PTPRG: variants seen among roughly 807,000 people sequenced by gnomAD.
The protein encoded by PTPRG is protein tyrosine phosphatase receptor type G.
PTPRG carries 102 observed loss-of-function variants against 165.3 expected under a neutral mutation model. The ratio of observed to expected loss-of-function variants is 0.62; its 90% CI spans 0.53 to 0.73. The LOEUF (loss-of-function observed/expected upper bound fraction) is 0.73, where lower values mean the gene tolerates loss of function less well. PTPRG is among the 30% of genes least tolerant of loss of function. The pLI is 0.00. For missense variants in PTPRG, 1,866 were observed against 1,861.4 expected (o/e 1.00, Z -0.05); for synonymous variants, 675 against 669.5 (o/e 1.01, Z -0.13).
chr3:61,765,892 T>A (rs1288701813), intron 2 of PTPRG, among the ~76,000 whole-genome samples: 1 of 152,180 alleles, frequency 6.6e-6, no homozygotes, highest in Non-Finnish European at 1.5e-5. Flanking sequence ...TTTGTACTCA[T>A]TTGTTCCCAA....
At chr3:62,054,952 G>A (rs1383009738) in intron 4 of PTPRG, among the ~76,000 whole-genome samples, 1 of 152,212 alleles carries the variant, frequency 6.6e-6, no homozygotes, top group African/African-American at 2.4e-5. Flanking sequence ...AAATGGGTCA[G>A]GGGAGCGATT....
rs563541413 is a variant in PTPRG at position 62,296,517 on chromosome 3, T to A, written c.*3210T>A. 6.6e-6 allele frequency: 1 copy of A among 152,130 alleles called. No homozygotes were observed. The highest frequency in any genetic ancestry group is 1.9e-4 in the East Asian group (1 of 5,184). 9.4% of individuals were successfully genotyped at this position (152,130 alleles called of 1,614,324 possible). A position where few individuals can be genotyped will look rare whatever the true frequency, so the allele number is the denominator to read the frequency against. On this transcript the variant is annotated 3_prime_UTR_variant, in exon 30 of 30. Coordinates refer to ENST00000474889, the MANE Select transcript of PTPRG (RefSeq NM_002841.4). ...ACTAAAAAAAAAACCCAACTCATCA[T>A]AATTTAAGAATCAAAATGTAGTTTG...
intron 1 of PTPRG, among the ~76,000 whole-genome samples, chr3:61,647,696 G>T (rs1702240656): frequency 7.0e-6 from 1 of 143,790 alleles, no homozygotes; most frequent in Admixed American, 7.7e-5. Context: ...GGAGGCTGAG[G>T]CAGAAGAATG....
At chr3:62,159,711 A>G (rs1037193521) in intron 7 of PTPRG, among the ~76,000 whole-genome samples, 10 of 152,220 alleles carry the variant, frequency 6.6e-5, no homozygotes, top group Admixed American at 1.3e-4. Context: ...TCAGGGAAAT[A>G]GAAAAGAAAT....
At chr3:62,019,253 T>G (rs1032971531) in intron 4 of PTPRG, among the ~76,000 whole-genome samples, 3 of 152,214 alleles carry the variant, frequency 2.0e-5, no homozygotes, top group Non-Finnish European at 2.9e-5. Flanking sequence ...CCGGATGTAG[T>G]AGCTCACACT....
chr3:62,040,388 T>G (rs1700087979), intron 4 of PTPRG, among the ~76,000 whole-genome samples: 1 of 152,236 alleles, frequency 6.6e-6, no homozygotes, highest in Non-Finnish European at 1.5e-5. Context: ...TGTGTTCCAC[T>G]GAAGCTCTCT....
intron 2 of PTPRG, among the ~76,000 whole-genome samples, chr3:61,988,689 A>G (rs2040819623): frequency 6.6e-6 from 1 of 152,184 alleles, no homozygotes; most frequent in African/African-American, 2.4e-5. Flanking sequence ...AATTCTCAAT[A>G]AAGGATTCAG....
chr3:61,684,234 G>C (rs534411240), intron 1 of PTPRG, among the ~76,000 whole-genome samples: 1 of 152,322 alleles, frequency 6.6e-6, no homozygotes, highest in South Asian at 2.1e-4. Context: ...ATATGCTGGT[G>C]GTGATGGTGG....
chr3:61,908,262 T>C (rs113433179), intron 2 of PTPRG, among the ~76,000 whole-genome samples: 20,627 of 151,028 alleles, frequency 0.14, 1,851 homozygotes, highest in East Asian at 0.49. Context: ...CCTGTCTCTA[T>C]TAAAAATGCA....
At chr3:61,766,907 A>T (rs2034036909) in intron 2 of PTPRG, among the ~76,000 whole-genome samples, 1 of 151,316 alleles carries the variant, frequency 6.6e-6, no homozygotes, top group Admixed American at 6.6e-5. Flanking sequence ...GGCATGAGCC[A>T]TCGCGCCCAG....
Position 62,273,899 on chromosome 3 carries a change from T to G in PTPRG, c.3465+55T>G, listed in dbSNP as rs1477862040. 1 of 1,567,306 alleles carries G rather than the reference T, an allele frequency of 6.4e-7. No homozygotes were observed. On this transcript the variant is annotated intron_variant, in intron 23 of 29. Coordinates refer to ENST00000474889, the MANE Select transcript of PTPRG (RefSeq NM_002841.4). The surrounding 1 kb of genome is among the most constrained non-coding windows in gnomAD (Gnocchi z 4.1). The stretch of plus-strand genomic sequence containing the variant: ...AAAGCAAGAAAATGTTTTAAATGCC[T>G]TGAGTTTGGGGGTTATGTCTTCTTT...
chr3:61,723,266 AT>A (rs989395623), intron 1 of PTPRG, among the ~76,000 whole-genome samples: 4 of 150,558 alleles, frequency 2.7e-5, no homozygotes, highest in African/African-American at 7.3e-5. Flanking sequence ...TGACTTTTCT[AT>A]TTTTTTTTCT....
intron 1 of PTPRG, among the ~76,000 whole-genome samples, chr3:61,705,029 G>A (rs1160703603): frequency 6.6e-6 from 1 of 152,180 alleles, no homozygotes; most frequent in Non-Finnish European, 1.5e-5. Flanking sequence ...GAGAACCCCA[G>A]CCTGCTAGAG....
intron 11 of PTPRG, among the ~76,000 whole-genome samples, 174 bp from the exon 12 acceptor site, chr3:62,202,999 C>G (rs1700130808): frequency 6.6e-6 from 1 of 152,126 alleles, no homozygotes; most frequent in South Asian, 2.1e-4. Context: ...AGTTGATCAC[C>G]CATGGACCAC....
intron 2 of PTPRG, among the ~76,000 whole-genome samples, chr3:61,967,771 A>G (rs192189763): frequency 2.0e-4 from 30 of 152,334 alleles, no homozygotes; most frequent in Middle Eastern, 3.4e-3. Context: ...CTATTGTTGC[A>G]GTAAAACATT....
At chr3:61,842,326 A>G (rs2036661114) in intron 2 of PTPRG, among the ~76,000 whole-genome samples, 1 of 152,200 alleles carries the variant, frequency 6.6e-6, no homozygotes, top group African/African-American at 2.4e-5. Flanking sequence ...ACATACATGC[A>G]CACTACACAC....
intron 4 of PTPRG, among the ~76,000 whole-genome samples, chr3:62,054,757 GTTCC>G (rs1355985042): frequency 6.6e-6 from 1 of 152,166 alleles, no homozygotes; most frequent in Non-Finnish European, 1.5e-5. Context: ...GAACTGCATT[GTTCC>G]TTCATTTATG....
At chr3:61,815,022 C>T (rs759462926) in intron 2 of PTPRG, among the ~76,000 whole-genome samples, 1 of 151,934 alleles carries the variant, frequency 6.6e-6, no homozygotes, top group Non-Finnish European at 1.5e-5. Context: ...AGGGCTGCCT[C>T]AGACTCAGGT....
intron 1 of PTPRG, among the ~76,000 whole-genome samples, chr3:61,568,397 A>C (rs1196511715): frequency 3.3e-5 from 5 of 152,098 alleles, no homozygotes; most frequent in African/African-American, 1.2e-4. Context: ...GGTATAAGTG[A>C]TGGCTGTGCA....
Sources: allele counts gnomAD v4.1 joint callset (sites outside exome capture counted in the v4.1 genomes callset), GRCh38; gene constraint gnomAD v4.1.1; non-coding constraint Gnocchi (gnomAD v3.1); transcripts MANE v1.5; gene names NCBI Gene and HGNC (gene_info 2026-07-23, HGNC 2026-07-21).